Variants in VTI1A observed in about 807,000 individuals in gnomAD.
VTI1A encodes the protein vesicle transport through interaction with t-SNAREs 1A, also known as vesicle transport through interaction with t-SNAREs homolog 1A.
VTI1A carries 22 observed loss-of-function variants against 34.9 expected under a neutral mutation model. That is an observed-to-expected ratio of 0.63 (90% CI 0.45 to 0.90). The LOEUF (loss-of-function observed/expected upper bound fraction) is 0.90, where lower values mean the gene tolerates loss of function less well. Among genes scored for constraint, VTI1A ranks in the 40% least tolerant of loss-of-function variants. The probability of loss-of-function intolerance (pLI) is 0.00; values close to 1 mark genes in which losing one functional copy is unlikely to be tolerated. For synonymous variants in VTI1A, 87 were observed against 97.3 expected, an observed-to-expected ratio of 0.89 and a Z score of 0.62; for missense variants, 268 against 275.6, an observed-to-expected ratio of 0.97 and a Z score of 0.20.
At chr10:112,672,999 A>G (rs1454933493) in intron 7 of VTI1A, among the ~76,000 whole-genome samples, 2 of 152,098 alleles carry the variant, frequency 1.3e-5, no homozygotes, top group East Asian at 1.9e-4. Flanking sequence ...GCTGCATTGT[A>G]TATGCTGGCA....
At chr10:112,792,407 G>A (rs1468217710) in intron 7 of VTI1A, among the ~76,000 whole-genome samples, 2 of 152,108 alleles carry the variant, frequency 1.3e-5, no homozygotes, top group South Asian at 2.1e-4. Context: ...AAAGTGCTCT[G>A]CCTGAGGTCA....
At chr10:112,738,705 G>C (rs1053584836) in intron 7 of VTI1A, among the ~76,000 whole-genome samples, 3 of 152,152 alleles carry the variant, frequency 2.0e-5, no homozygotes, top group Non-Finnish European at 4.4e-5. Context: ...TTATAAGACT[G>C]TTGAGTTTAC....
intron 5 of VTI1A, among the ~76,000 whole-genome samples, chr10:112,582,874 G>A (rs1844002505): frequency 6.6e-6 from 1 of 152,056 alleles, no homozygotes; most frequent in African/African-American, 2.4e-5. Context: ...AAGAACACCA[G>A]TAAGTATCTC....
intron 3 of VTI1A, among the ~76,000 whole-genome samples, chr10:112,498,074 G>A (rs1327040328): frequency 6.6e-6 from 1 of 151,918 alleles, no homozygotes; most frequent in Non-Finnish European, 1.5e-5. Flanking sequence ...GATGTTCTTT[G>A]GTATGACCTT....
At chr10:112,745,428 C>A (rs1264471834) in intron 7 of VTI1A, among the ~76,000 whole-genome samples, 1 of 151,906 alleles carries the variant, frequency 6.6e-6, no homozygotes, top group Non-Finnish European at 1.5e-5. Flanking sequence ...TTTGTGCCAC[C>A]CACGTACCTC....
intron 5 of VTI1A, among the ~76,000 whole-genome samples, chr10:112,596,821 T>A (rs1008235984): frequency 3.3e-5 from 5 of 152,206 alleles, no homozygotes; most frequent in Non-Finnish European, 5.9e-5. Context: ...GTGTTTATGT[T>A]TCTCTTCCTT....
At chr10:112,757,534 G>A (rs1306257463) in intron 7 of VTI1A, among the ~76,000 whole-genome samples, 5 of 146,722 alleles carry the variant, frequency 3.4e-5, no homozygotes, top group African/African-American at 1.2e-4. Flanking sequence ...ACAGGCACGG[G>A]CCACCACGCC....
intron 7 of VTI1A, among the ~76,000 whole-genome samples, chr10:112,788,200 C>T (rs140971237): frequency 1.3e-3 from 202 of 152,152 alleles, no homozygotes; most frequent in African/African-American, 4.5e-3. Context: ...TATAGCCTTA[C>T]TGATTTCCTG....
Position 112,453,847 on chromosome 10 carries a change from G to A in VTI1A, c.94+6380G>A, listed in dbSNP as rs146991454. Among the ~76,000 whole-genome samples, 50 of 152,246 alleles carry A rather than the reference G, an allele frequency of 3.3e-4. 1 individual carries two copies. In the South Asian group the frequency reaches 8.1e-3, roughly 25 times the overall value. On this transcript the variant is annotated intron_variant, in intron 1 of 7. Coordinates refer to ENST00000393077, the MANE Select transcript of VTI1A (RefSeq NM_145206.4). ...GACAGTAGGTGTGCACATTACTCCC[G>A]GGGTGTTGTTGCCTCTGGAACCTCT... is the stretch of plus-strand genomic sequence containing the variant.
At chr10:112,530,774 C>T (rs911222469) in intron 4 of VTI1A, among the ~76,000 whole-genome samples, 1 of 151,988 alleles carries the variant, frequency 6.6e-6, no homozygotes, top group Admixed American at 6.6e-5. Context: ...GGGGTGAAGT[C>T]GGTCAATTTA....
At chr10:112,460,643 C>G in intron 2 of VTI1A, 61 bp downstream of exon 2, 2 of 1,354,788 alleles carry the variant, frequency 1.5e-6, no homozygotes, top group Non-Finnish European at 2.0e-6. Context: ...TAATGTCTTC[C>G]TCTAGCCTGT....
chr10:112,593,061 A>T (rs1328736812), intron 5 of VTI1A, among the ~76,000 whole-genome samples: 2 of 152,256 alleles, frequency 1.3e-5, no homozygotes, highest in South Asian at 2.1e-4. Context: ...CAGTCATCTT[A>T]TACCAAAAGC....
intron 7 of VTI1A, among the ~76,000 whole-genome samples, chr10:112,680,495 C>G (rs1037739391): frequency 6.6e-6 from 1 of 152,144 alleles, no homozygotes; most frequent in African/African-American, 2.4e-5. Context: ...GCGGTAACAC[C>G]ATCAGCCTCT....
the VTI1A span, among the ~76,000 whole-genome samples, chr10:112,852,631 A>G: frequency 6.6e-6 from 1 of 152,148 alleles, no homozygotes; most frequent in Non-Finnish European, 1.5e-5. Context: ...TTTGTGACCA[A>G]TGGATGTCTA....
chr10:112,799,456 C>T (rs1852795992), intron 7 of VTI1A, among the ~76,000 whole-genome samples: 1 of 152,206 alleles, frequency 6.6e-6, no homozygotes, highest in South Asian at 2.1e-4. Flanking sequence ...AGGTCTCAGT[C>T]CCAGCAGCAG....
At chr10:112,552,750 G>A (rs1338213575) in intron 5 of VTI1A, among the ~76,000 whole-genome samples, 4 of 152,166 alleles carry the variant, frequency 2.6e-5, no homozygotes, top group Non-Finnish European at 5.9e-5. Context: ...GCAAGGTACA[G>A]TGTTTCATTT....
At chr10:112,655,458 G>C (rs1847197489) in intron 5 of VTI1A, among the ~76,000 whole-genome samples, 1 of 151,916 alleles carries the variant, frequency 6.6e-6, no homozygotes, top group Non-Finnish European at 1.5e-5. Context: ...GGCTTCCTAG[G>C]ATTCAGACCA....
intron 7 of VTI1A, among the ~76,000 whole-genome samples, chr10:112,699,474 T>C (rs1263858406): frequency 5.3e-5 from 8 of 152,248 alleles, no homozygotes. Flanking sequence ...GATATTAACC[T>C]AAATTTAAAC....
intron 5 of VTI1A, among the ~76,000 whole-genome samples, chr10:112,663,021 A>T (rs1191716619): frequency 6.6e-6 from 1 of 152,200 alleles, no homozygotes; most frequent in East Asian, 1.9e-4. Flanking sequence ...TCACCTTTAG[A>T]CTCAACTCTG....
Sources: gnomAD v4.1 joint callset for allele counts (sites outside exome capture counted in the v4.1 genomes callset) on GRCh38, gnomAD v4.1.1 for gene constraint, MANE v1.5 for transcripts, NCBI Gene and HGNC (gene_info 2026-07-23, HGNC 2026-07-21) for gene names.